Variants in CCSER1 observed in about 807,000 individuals in gnomAD.
CCSER1 encodes the protein serine-rich coiled-coil domain-containing protein 1.
CCSER1 carries 41 observed loss-of-function variants against 82.0 expected under a neutral mutation model. The ratio of observed to expected loss-of-function variants is 0.50; its 90% CI spans 0.39 to 0.65. The LOEUF is 0.65. CCSER1 is among the 30% of genes least tolerant of loss of function. The probability of loss-of-function intolerance (pLI) is 0.00; values close to 1 mark genes in which losing one functional copy is unlikely to be tolerated. For missense variants in CCSER1, 1,119 were observed against 1,064.2 expected, an observed-to-expected ratio of 1.05 and a Z score of -0.72; for synonymous variants, 414 against 383.9, an observed-to-expected ratio of 1.08 and a Z score of -0.92.
chr4:90,242,098 G>A (rs1329183493), intron 1 of CCSER1, among the ~76,000 whole-genome samples: 1 of 152,156 alleles, frequency 6.6e-6, no homozygotes, highest in Admixed American at 6.5e-5. Flanking sequence ...CTTGAGGTCA[G>A]GAGTTCAAGA....
intron 6 of CCSER1, among the ~76,000 whole-genome samples, chr4:90,636,960 A>G (rs760716262): frequency 1.4e-4 from 21 of 152,242 alleles, no homozygotes; most frequent in Non-Finnish European, 2.9e-4. Flanking sequence ...AAAATGACAG[A>G]ATTAGCAGTA....
At chr4:91,354,408 A>G (rs1358322234) in intron 10 of CCSER1, among the ~76,000 whole-genome samples, 1 of 152,222 alleles carries the variant, frequency 6.6e-6, no homozygotes, top group Non-Finnish European at 1.5e-5. Context: ...GCAGATTAGC[A>G]TAAGCTCTGT....
chr4:90,972,950 T>C (rs752492272), intron 9 of CCSER1, among the ~76,000 whole-genome samples: 1 of 151,770 alleles, frequency 6.6e-6, no homozygotes, highest in Non-Finnish European at 1.5e-5. Flanking sequence ...TTGAGAGAAC[T>C]GGATATCCAT....
intron 1 of CCSER1, among the ~76,000 whole-genome samples, chr4:90,191,820 A>G (rs1294546982): frequency 6.6e-6 from 1 of 152,062 alleles, no homozygotes; most frequent in Non-Finnish European, 1.5e-5. Context: ...AATAAAAGTA[A>G]AGCAGTAATT....
chr4:91,424,335 A>C (rs547082814), intron 10 of CCSER1, among the ~76,000 whole-genome samples: 1 of 152,246 alleles, frequency 6.6e-6, no homozygotes, highest in South Asian at 2.1e-4. Flanking sequence ...AGCAGATCTT[A>C]AGAAAACTCT....
At chr4:90,547,979 A>T (rs547548647) in intron 5 of CCSER1, among the ~76,000 whole-genome samples, 1 of 152,302 alleles carries the variant, frequency 6.6e-6, no homozygotes, top group East Asian at 1.9e-4. Flanking sequence ...ATCTTTTAGA[A>T]AACGTATAAT....
intron 7 of CCSER1, among the ~76,000 whole-genome samples, chr4:90,758,938 T>C (rs72661901): frequency 0.057 from 8,658 of 152,190 alleles, 351 homozygotes; most frequent in Admixed American, 0.11. Flanking sequence ...TTTCATGCTA[T>C]TGTATTTGAA....
chr4:90,412,770 G>A (rs888372444), intron 4 of CCSER1, among the ~76,000 whole-genome samples: 5 of 152,094 alleles, frequency 3.3e-5, no homozygotes, highest in Admixed American at 6.5e-5. Context: ...GGTAATAAAA[G>A]CCATCTATGA....
intron 10 of CCSER1, among the ~76,000 whole-genome samples, chr4:91,228,719 C>A (rs1738397313): frequency 6.6e-6 from 1 of 151,838 alleles, no homozygotes; most frequent in African/African-American, 2.4e-5. Flanking sequence ...ATGGAATCTG[C>A]CACCTTCACC....
At chr4:90,518,911 A>T (rs937693629) in intron 5 of CCSER1, among the ~76,000 whole-genome samples, 4 of 152,012 alleles carry the variant, frequency 2.6e-5, no homozygotes, top group Non-Finnish European at 5.9e-5. Flanking sequence ...GACTTCCAGC[A>T]TGTTTGTGTA....
chr4:90,313,060 A>G lies in CCSER1; in HGVS notation c.1509+13A>G, dbSNP rs76551131. Reference sequence around the variant, plus strand: ...AATGAACAGTTTGGTAAGTATATACATATGTCTGCCTCTAATAAAATAATG... The same window carrying G: ...AATGAACAGTTTGGTAAGTATATACGTATGTCTGCCTCTAATAAAATAATG... On this transcript the variant is annotated intron_variant, in intron 3 of 10. Transcript: ENST00000509176. 2.8e-4 allele frequency: 439 copies of G among 1,573,840 alleles called. 1 individual carries two copies. In the African/African-American group the frequency reaches 5.1e-3, roughly 18 times the overall value.
intron 1 of CCSER1, among the ~76,000 whole-genome samples, chr4:90,210,487 A>G (rs1450691325): frequency 2.7e-5 from 4 of 145,466 alleles, no homozygotes; most frequent in Non-Finnish European, 4.5e-5. Context: ...TCTGTTGCCC[A>G]GGCTGAAGTG....
chr4:90,701,923 G>A (rs537608316), intron 6 of CCSER1, among the ~76,000 whole-genome samples: 10 of 152,118 alleles, frequency 6.6e-5, no homozygotes, highest in Non-Finnish European at 1.2e-4. Context: ...CTGTAAACAG[G>A]GACAATTTGA....
At chr4:90,590,438 G>A (rs1381385064) in intron 5 of CCSER1, among the ~76,000 whole-genome samples, 1 of 152,062 alleles carries the variant, frequency 6.6e-6, no homozygotes, top group African/African-American at 2.4e-5. Context: ...AAATTAGCTG[G>A]GTGTGGTGGC....
intron 6 of CCSER1, among the ~76,000 whole-genome samples, chr4:90,647,059 G>A (rs921951460): frequency 4.6e-5 from 7 of 151,932 alleles, no homozygotes; most frequent in Non-Finnish European, 5.9e-5. Context: ...CTCATTATGC[G>A]CCCACCCAAA....
intron 7 of CCSER1, among the ~76,000 whole-genome samples, chr4:90,759,279 A>G (rs1309814574): frequency 2.0e-5 from 3 of 152,226 alleles, no homozygotes; most frequent in Admixed American, 6.5e-5. Flanking sequence ...GGCAAGAATG[A>G]CGTTTTATTT....
intron 9 of CCSER1, among the ~76,000 whole-genome samples, chr4:91,025,822 G>T (rs1273957405): frequency 6.6e-6 from 1 of 152,096 alleles, no homozygotes; most frequent in Non-Finnish European, 1.5e-5. Context: ...ATTTTACTCT[G>T]TATAGGGGTG....
At chr4:90,641,139 T>C (rs1480412564) in intron 6 of CCSER1, among the ~76,000 whole-genome samples, 3 of 152,146 alleles carry the variant, frequency 2.0e-5, no homozygotes, top group Non-Finnish European at 4.4e-5. Flanking sequence ...AGGTATAATA[T>C]ATTAATCTAA....
intron 4 of CCSER1, among the ~76,000 whole-genome samples, chr4:90,435,882 A>T (rs1163759630): frequency 2.0e-5 from 3 of 151,854 alleles, no homozygotes; most frequent in African/African-American, 7.3e-5. Context: ...TTTTTTTTTC[A>T]ATCTATATAT....
Sources: gnomAD v4.1 joint callset for allele counts (sites outside exome capture counted in the v4.1 genomes callset) on GRCh38, gnomAD v4.1.1 for gene constraint, MANE v1.5 for transcripts, NCBI Gene and HGNC (gene_info 2026-07-23, HGNC 2026-07-21) for gene names.